Variants in ZBTB4 observed in about 807,000 individuals in gnomAD.
The protein encoded by ZBTB4 is zinc finger and BTB domain containing 4.
ZBTB4 carries 14 observed loss-of-function variants against 59.8 expected under a neutral mutation model. That is an observed-to-expected ratio of 0.23 (90% CI 0.15 to 0.37). ZBTB4 has a LOEUF of 0.37. ZBTB4 is among the 10% of genes least tolerant of loss of function. ZBTB4 has a pLI of 1.00. For synonymous variants in ZBTB4, 587 were observed against 575.2 expected (o/e 1.02, Z -0.29); for missense variants, 1,198 against 1,380.8 (o/e 0.87, Z 2.10).
rs1437118286 is a variant in ZBTB4, at chr17:7,459,480, T to C, written c.*2460A>G. 1 of 152,596 alleles carries C rather than the reference T, an allele frequency of 6.6e-6. No homozygotes were observed. The highest frequency in any genetic ancestry group is 1.5e-5 in the Non-Finnish European group (1 of 68,046). The allele number at this position is 152,596 out of a possible 1,614,324, so 9.5% of individuals were successfully genotyped here. ...TCTAAATCTGGGTCCTCACTACGTA[T>C]AGAGCTAGTCTGTAGAATTCTAAAT... On this transcript the variant is annotated 3_prime_UTR_variant, in exon 4 of 4. Coordinates refer to ENST00000380599, the MANE Select transcript of ZBTB4 (RefSeq NM_001128833.2).
At position 7,462,497 on chromosome 17, in the gene ZBTB4, C is replaced by T. The variant is rs1264817540; in HGVS notation, c.2485G>A (p.Gly829Ser). 2 of 1,614,006 alleles carry T rather than the reference C, an allele frequency of 1.2e-6. No homozygotes were observed. Among genetic ancestry groups the T allele is most frequent in the Non-Finnish European group, 1.7e-6 (2 of 1,180,008 alleles). ...PQEMQVSSSSGEAGGGSTAAE... is the reference protein window; with the variant it reads ...PQEMQVSSSSSEAGGGSTAAE... The stretch of plus-strand genomic sequence containing the variant: ...GCAGTGCTCCCGCCACCTGCCTCAC[C>T]GCTGGATGAGGAGACTTGCATCTCT... The change falls in exon 4 of 4, where the codon GGT (glycine) becomes AGT (serine). Residue 829 changes from glycine (G) to serine (S), a missense_variant. Coordinates refer to ENST00000380599, the MANE Select transcript of ZBTB4 (RefSeq NM_001128833.2). The surrounding 1 kb of genome is among the most constrained non-coding windows in gnomAD (Gnocchi z 7.5).
intron 3 of ZBTB4, 88 bp downstream of exon 3, chr17:7,465,623 G>A (rs914687642): frequency 2.0e-6 from 3 of 1,464,932 alleles, no homozygotes; most frequent in African/African-American, 2.8e-5. Context: ...AACTTTCTAG[G>A]CCCCAAGCCC....
chr17:7,467,153 G>A, intron 2 of ZBTB4, 104 bp downstream of exon 2: 1 of 1,102,584 alleles, frequency 9.1e-7, no homozygotes, highest in East Asian at 5.3e-5. Flanking sequence ...ACTCCTGATA[G>A]CCATTTCACA....
chr17:7,482,840 C>G, upstream of ZBTB4: 1 of 1,612,060 alleles, frequency 6.2e-7, no homozygotes. Flanking sequence ...GTGCGCTGTC[C>G]TGCATTCCGA....
At chr17:7,481,331 C>G (rs2070342337), upstream of ZBTB4, 4 of 1,057,338 alleles carry the variant, frequency 3.8e-6, no homozygotes, top group Non-Finnish European at 3.7e-6. Context: ...AACTTCGTCG[C>G]AAACAAAAAA....
At chr17:7,469,485 G>A (rs1311404040) in intron 1 of ZBTB4, among the ~76,000 whole-genome samples, 3 of 150,910 alleles carry the variant, frequency 2.0e-5, no homozygotes, top group Admixed American at 6.6e-5. Flanking sequence ...CTTTAAGGCC[G>A]GGCACGGTGG....
chr17:7,462,047 G>T lies in ZBTB4; in HGVS notation c.2935C>A (p.Pro979Thr). 1 of 1,601,474 alleles carries T rather than the reference G, an allele frequency of 6.2e-7. No individual in the cohort carries two copies. The highest frequency in any genetic ancestry group is 8.5e-7 in the Non-Finnish European group (1 of 1,173,446). The change falls in exon 4 of 4, where the codon CCT becomes ACT. Residue 979 changes from proline to threonine, a missense_variant. Around this residue, in one of 9 missense-constraint regions of ZBTB4, gnomAD observed 211 missense variants for 236.1 expected, o/e 0.89. Transcript: ENST00000380599. This position sits in a 1 kb window ranked among gnomAD's most constrained non-coding sequence, Gnocchi z 7.5. ...GYAVNPQAAPPAPPTPPPPTL... is the reference protein window; with the variant it reads ...GYAVNPQAAPTAPPTPPPPTL... ...GGGGGAGGTGGTGTTGGTGGGGCAG[G>T]GGGTGCTGCTTGAGGATTCACTGCG...
upstream of ZBTB4, chr17:7,483,283 C>T (rs368242115): frequency 2.0e-5 from 11 of 562,882 alleles, no homozygotes; most frequent in East Asian, 1.3e-4. Flanking sequence ...GCAGGGAGGC[C>T]GTGGGCCACG....
chr17:7,463,502 T>A lies in ZBTB4; in HGVS notation c.1480A>T (p.Ser494Cys), dbSNP rs771142910. ...GACCCTCCTGTGCTGGCCGTCCCACTCCCCCCTCCACCACTGCTACTGCCC... is the reference window on the plus strand; with the variant it reads ...GACCCTCCTGTGCTGGCCGTCCCACACCCCCCTCCACCACTGCTACTGCCC... ...HGGSSSGGGG[S>C]GTASTGGSQA... The change falls in exon 4 of 4, where the codon AGT (serine) becomes TGT (cysteine). Residue 494 changes from serine (S) to cysteine (C), a missense_variant. Ser to Cys is a moderately radical substitution (Grantham distance 112). Coordinates refer to ENST00000380599, the MANE Select transcript of ZBTB4 (RefSeq NM_001128833.2). 6.4e-7 allele frequency: 1 copy of A among 1,552,450 alleles called. No individual in the cohort carries two copies. The highest frequency in any genetic ancestry group is 1.2e-5 in the South Asian group (1 of 81,900).
rs147041318 is a variant in ZBTB4 at position 7,466,778 on chromosome 17, C to A, written c.24G>T (p.Thr8=). The A allele has an allele frequency of 1.9e-6, 3 of 1,574,722 alleles. No homozygotes were observed. Among genetic ancestry groups the A allele is most frequent in the East Asian group, 2.3e-5 (1 of 43,692 alleles). The part of the protein sequence containing the change: MPPPAEV[T]DPSHAPAVLR... ...GGACGGCGGGGGCATGGGACGGGTCCGTCACCTCTGCAGGGGGGGGCATGG... is the reference window on the plus strand; with the variant it reads ...GGACGGCGGGGGCATGGGACGGGTCAGTCACCTCTGCAGGGGGGGGCATGG... The change falls in exon 3 of 4, where the codon ACG becomes ACT. Residue 8 remains threonine (T), a synonymous_variant. Coordinates refer to ENST00000380599, the MANE Select transcript of ZBTB4 (RefSeq NM_001128833.2). The surrounding 1 kb of genome is among the most constrained non-coding windows in gnomAD (Gnocchi z 9.1).
chr17:7,463,149 C>T lies in ZBTB4; in HGVS notation c.1833G>A (p.Glu611=), dbSNP rs1350912269. The change falls in exon 4 of 4, where the codon GAG becomes GAA. Residue 611 remains glutamate (E), a synonymous_variant. Transcript: ENST00000380599. ...CTGAGATGCGGCGCTTGACGATGGCCTCCTCCCCTATTCGCACAGTGATCT... is the reference window on the plus strand; with the variant it reads ...CTGAGATGCGGCGCTTGACGATGGCTTCCTCCCCTATTCGCACAGTGATCT... ...LCQITVRIGE[E]AIVKRRISET... is the part of the protein sequence containing the mutation. 1 of 1,608,174 alleles carries T rather than the reference C, an allele frequency of 6.2e-7. No individual in the cohort carries two copies. Among genetic ancestry groups the T allele is most frequent in the Non-Finnish European group, 8.5e-7 (1 of 1,178,904 alleles).
At position 7,475,894 on chromosome 17, in the gene ZBTB4, C is replaced by A. The variant is rs112131422; in HGVS notation, c.-81+3562G>T. Among the ~76,000 whole-genome samples the A allele has an allele frequency of 4.6e-3, 697 of 152,286 alleles. 7 individuals carry two copies. Among genetic ancestry groups the A allele is most frequent in the African/African-American group, 0.016 (677 of 41,548 alleles). On this transcript the variant is annotated intron_variant, in intron 1 of 3. Coordinates refer to ENST00000380599, the MANE Select transcript of ZBTB4 (RefSeq NM_001128833.2). ...CCCTCTGCCATACTGCTAGACCTGGCCCTGAAGAGGCCTATGGCCCGCCAG... is the reference window on the plus strand; with the variant it reads ...CCCTCTGCCATACTGCTAGACCTGGACCTGAAGAGGCCTATGGCCCGCCAG...
intron 1 of ZBTB4, among the ~76,000 whole-genome samples, chr17:7,478,354 C>T (rs372526107): frequency 1.5e-4 from 23 of 152,270 alleles, no homozygotes; most frequent in African/African-American, 4.1e-4. Flanking sequence ...AGACATACCC[C>T]GGGGTTCCTC....
chr17:7,464,431 G>GAAAAAAA (rs55956412), intron 3 of ZBTB4, among the ~76,000 whole-genome samples: 1 of 96,182 alleles, frequency 1.0e-5, no homozygotes, highest in Admixed American at 1.3e-4. Context: ...GTCAAAAAAA[G>GAAAAAAA]AAAAAAAAAA....
At chr17:7,468,448 A>G (rs941501802) in intron 1 of ZBTB4, among the ~76,000 whole-genome samples, 4 of 152,146 alleles carry the variant, frequency 2.6e-5, no homozygotes, top group Non-Finnish European at 5.9e-5. Flanking sequence ...GCAGCAGAGA[A>G]AGCACCGCGC....
intron 1 of ZBTB4, among the ~76,000 whole-genome samples, chr17:7,477,040 G>A (rs1325256653): frequency 6.6e-6 from 1 of 152,226 alleles, no homozygotes; most frequent in African/African-American, 2.4e-5. Context: ...ACTTGAAAAA[G>A]GGAGGTAGAG....
In ZBTB4 at chr17:7,462,046, G is replaced by A. The variant is rs2150848129; in HGVS notation, c.2936C>T (p.Pro979Leu). ...GYAVNPQAAP[P>L]APPTPPPPTL... The stretch of plus-strand genomic sequence containing the variant: ...TGGGGGAGGTGGTGTTGGTGGGGCA[G>A]GGGGTGCTGCTTGAGGATTCACTGC... Residue 979 changes from proline to leucine, a missense_variant, in exon 4 of 4, where the codon CCT (proline) becomes CTT (leucine). Physicochemically the swap from Pro to Leu is moderately conservative, Grantham distance 98. Coordinates refer to ENST00000380599, the MANE Select transcript of ZBTB4 (RefSeq NM_001128833.2). This position sits in a 1 kb window ranked among gnomAD's most constrained non-coding sequence, Gnocchi z 7.5. 2 of 1,601,110 alleles carry A rather than the reference G, an allele frequency of 1.2e-6. No individual in the cohort carries two copies. The highest frequency in any genetic ancestry group is 1.7e-6 in the Non-Finnish European group (2 of 1,173,218).
chr17:7,470,805 G>C (rs1367601254), intron 1 of ZBTB4, among the ~76,000 whole-genome samples: 1 of 152,210 alleles, frequency 6.6e-6, no homozygotes, highest in Admixed American at 6.5e-5. Context: ...AGGAAGTTTG[G>C]CTCCAAAGCC....
chr17:7,466,024 C>T lies in ZBTB4; in HGVS notation c.778G>A (p.Ala260Thr). ...AGCCCTGTAGACCCCCGCGTGCTGG[C>T]CCCTCGTCGGCACTGGGCCTCATGG... ...QTHEAQCRRGASTRGSTGLGA... is the reference protein window; with the variant it reads ...QTHEAQCRRGTSTRGSTGLGA... The change falls in exon 3 of 4, where the codon GCC (alanine) becomes ACC (threonine). Residue 260 changes from alanine to threonine, a missense_variant. Ala to Thr is a moderately conservative substitution (Grantham distance 58, BLOSUM62 0). Coordinates refer to ENST00000380599, the MANE Select transcript of ZBTB4 (RefSeq NM_001128833.2). This position sits in a 1 kb window ranked among gnomAD's most constrained non-coding sequence, Gnocchi z 9.1. The T allele has an allele frequency of 6.2e-7, 1 of 1,607,976 alleles. No homozygotes were observed. Among genetic ancestry groups the T allele is most frequent in the South Asian group, 1.1e-5 (1 of 90,760 alleles).
Sources: allele counts gnomAD v4.1 joint callset (sites outside exome capture counted in the v4.1 genomes callset), GRCh38; gene constraint gnomAD v4.1.1; regional missense constraint gnomAD v4.1.1; non-coding constraint Gnocchi (gnomAD v3.1); transcripts MANE v1.5; gene names NCBI Gene and HGNC (gene_info 2026-07-23, HGNC 2026-07-21).